The following BCAR1 variants were observed in gnomAD, a reference collection of about 807,000 sequenced individuals.
BCAR1 encodes the protein breast cancer anti-estrogen resistance protein 1.
BCAR1 carries 30 observed loss-of-function variants against 67.6 expected under a neutral mutation model. The observed-to-expected ratio is 0.44, with a 90% confidence interval of 0.33 to 0.60. BCAR1 has a LOEUF of 0.60. BCAR1 is among the 20% of genes least tolerant of loss of function. The probability of loss-of-function intolerance (pLI) is 0.02; values close to 1 mark genes in which losing one functional copy is unlikely to be tolerated. For synonymous variants in BCAR1, 626 were observed against 556.7 expected (o/e 1.12, Z -1.75); for missense variants, 1,313 against 1,222.3 (o/e 1.07, Z -1.11).
Position 75,235,111 on chromosome 16 carries a change from G to T in BCAR1, c.1788C>A (p.Phe596Leu). Residue 596 changes from phenylalanine (F) to leucine (L), a missense_variant, in exon 5 of 7, where the codon TTC becomes TTA. Physicochemically the swap from Phe to Leu is conservative, Grantham distance 22. Around this residue, in one of 2 missense-constraint regions of BCAR1, gnomAD observed 1,272 missense variants for 1,137.5 expected, o/e 1.12. Coordinates refer to ENST00000162330, the MANE Select transcript of BCAR1 (RefSeq NM_014567.5). ...AGAGCAGTGAGGCATTGCCGTGCAG[G>T]AAGGAGGCCAGCTGCTTGGCGTCCT... ...VPEDAKQLAS[F>L]LHGNASLLFR... 1 of 1,611,542 alleles carries T rather than the reference G, an allele frequency of 6.2e-7. No individual in the cohort carries two copies.
chr16:75,251,173 C>T (rs1481271958), intron 1 of BCAR1, among the ~76,000 whole-genome samples: 1 of 152,046 alleles, frequency 6.6e-6, no homozygotes. Flanking sequence ...AGCAGGCGGC[C>T]GTCGGCCGGG....
rs1239670516 is a variant in BCAR1, at chr16:75,235,088, A to G, written c.1811T>C (p.Leu604Pro). 3 of 1,612,530 alleles carry G rather than the reference A, an allele frequency of 1.9e-6. No individual in the cohort carries two copies. The highest frequency in any genetic ancestry group is 2.5e-6 in the Non-Finnish European group (3 of 1,179,994). ...ASFLHGNASL[L>P]FRRTKATAPG... Reference sequence around the variant, plus strand: ...GGCAGTGGCCTTGGTCCGTCTGAAGAGCAGTGAGGCATTGCCGTGCAGGAA... The same window carrying G: ...GGCAGTGGCCTTGGTCCGTCTGAAGGGCAGTGAGGCATTGCCGTGCAGGAA... Residue 604 changes from leucine (L) to proline (P), a missense_variant, in exon 5 of 7, where the codon CTC (leucine) becomes CCC (proline). Leu to Pro is a moderately conservative substitution (Grantham distance 98, BLOSUM62 -3). Transcript: ENST00000162330.
intron 6 of BCAR1, among the ~76,000 whole-genome samples, chr16:75,230,851 C>A (rs2076877485): frequency 6.6e-6 from 1 of 152,194 alleles, no homozygotes; most frequent in Non-Finnish European, 1.5e-5. Context: ...TCTCCGTTCC[C>A]TTAGCCAGTG....
chr16:75,236,704 G>A, intron 4 of BCAR1, 178 bp downstream of exon 4: 6 of 1,249,794 alleles, frequency 4.8e-6, no homozygotes, highest in Non-Finnish European at 6.2e-6. Flanking sequence ...CAAAGAACCT[G>A]AGGCTCAGAA....
At chr16:75,247,814 T>C (rs1396155175) in intron 1 of BCAR1, 2 of 553,134 alleles carry the variant, frequency 3.6e-6, no homozygotes, top group Admixed American at 3.0e-5. Flanking sequence ...CCAGCAAATA[T>C]GACCTCAGCA....
chr16:75,244,497 C>G (rs970355290), intron 1 of BCAR1, among the ~76,000 whole-genome samples: 5 of 152,244 alleles, frequency 3.3e-5, no homozygotes, highest in African/African-American at 1.2e-4. Context: ...CGCCATCTCC[C>G]TGGCCGGCAT....
chr16:75,262,939 G>A lies in BCAR1; in HGVS notation c.66+4976C>T, dbSNP rs115608559. Among the ~76,000 whole-genome samples, 1,421 of 152,332 alleles carry A rather than the reference G, an allele frequency of 9.3e-3. 17 individuals are homozygous for A. Among genetic ancestry groups the A allele is most frequent in the African/African-American group, 0.033 (1,356 of 41,568 alleles). On this transcript the variant is annotated intron_variant, in intron 1 of 6. Transcript: ENST00000393422. ...GCTGCTGTCCACCGCTCAACAGGCT[G>A]CAGCCCCCACAAGTAGAGGCCATGC...
intron 1 of BCAR1, among the ~76,000 whole-genome samples, chr16:75,259,618 G>T (rs909046807): frequency 6.6e-6 from 1 of 151,968 alleles, no homozygotes; most frequent in African/African-American, 2.4e-5. Context: ...TTTGGGAGGC[G>T]AAAGCGGGCG....
chr16:75,247,962 C>G, intron 1 of BCAR1: 1 of 834,300 alleles, frequency 1.2e-6, no homozygotes, highest in Non-Finnish European at 2.1e-6. Context: ...ATAATAAGAA[C>G]AGCACAGTTC....
chr16:75,261,225 G>A (rs148974348), intron 1 of BCAR1, among the ~76,000 whole-genome samples: 2 of 152,330 alleles, frequency 1.3e-5, no homozygotes, highest in African/African-American at 4.8e-5. Flanking sequence ...GAAACAATGG[G>A]GCTTGACCTG....
chr16:75,244,169 G>A (rs377637130), intron 1 of BCAR1, among the ~76,000 whole-genome samples: 22 of 152,334 alleles, frequency 1.4e-4, no homozygotes, highest in African/African-American at 4.8e-4. Flanking sequence ...TCAGCTCTGG[G>A]CTGCCCTGCA....
At chr16:75,243,676 C>T (rs1321632774) in intron 1 of BCAR1, among the ~76,000 whole-genome samples, 1 of 152,214 alleles carries the variant, frequency 6.6e-6, no homozygotes, top group Non-Finnish European at 1.5e-5. Context: ...GTCCTGGCCC[C>T]GTCGCCCTCA....
In BCAR1 at chr16:75,242,763, C is replaced by G; in HGVS notation, c.340G>C (p.Val114Leu). 6.3e-7 allele frequency: 1 copy of G among 1,595,176 alleles called. No individual in the cohort carries two copies. Reference sequence around the variant, plus strand: ...TTGCTGGGAGTGGGCACCAGGTAGACGCTGTCTGGCTGGGGCTGGTAGGTG... The same window carrying G: ...TTGCTGGGAGTGGGCACCAGGTAGAGGCTGTCTGGCTGGGGCTGGTAGGTG... ...PNTYQPQPDS[V>L]YLVPTPSKAQ... The change falls in exon 2 of 7, where the codon GTC becomes CTC. Residue 114 changes from valine (V) to leucine (L), a missense_variant. Physicochemically the swap from Val to Leu is conservative, Grantham distance 32. Around this residue, in one of 2 missense-constraint regions of BCAR1, gnomAD observed 1,272 missense variants for 1,137.5 expected, o/e 1.12. Coordinates refer to ENST00000162330, the MANE Select transcript of BCAR1 (RefSeq NM_014567.5).
intron 1 of BCAR1, chr16:75,250,751 C>T (rs2077655365): frequency 1.0e-6 from 1 of 985,462 alleles, no homozygotes; most frequent in African/African-American, 1.7e-5. Flanking sequence ...CAACCATGGA[C>T]TCCAAAGCCT....
chr16:75,232,963 A>G (rs190992390), intron 6 of BCAR1, among the ~76,000 whole-genome samples: 1 of 151,152 alleles, frequency 6.6e-6, no homozygotes, highest in East Asian at 1.9e-4. Flanking sequence ...TTATCTTCAT[A>G]ATCAGAATAA....
At chr16:75,244,579 C>G (rs531905618) in intron 1 of BCAR1, among the ~76,000 whole-genome samples, 6 of 152,268 alleles carry the variant, frequency 3.9e-5, no homozygotes, top group Non-Finnish European at 5.9e-5. Flanking sequence ...ATCAGACATT[C>G]AGACCCCATG....
intron 1 of BCAR1, among the ~76,000 whole-genome samples, chr16:75,259,541 A>T (rs1279457488): frequency 3.0e-4 from 46 of 152,326 alleles, no homozygotes; most frequent in Non-Finnish European, 2.9e-5. Flanking sequence ...CATTACTGGA[A>T]CATTACTCAG....
rs112113209 is a variant in BCAR1 at position 75,235,653 on chromosome 16, C to T, written c.1246G>A (p.Ala416Thr). 15 of 1,609,902 alleles carry T rather than the reference C, an allele frequency of 9.3e-6. No homozygotes were observed. The highest frequency in any genetic ancestry group is 5.3e-5 in the African/African-American group (4 of 74,978). Residue 416 changes from alanine (A) to threonine (T), a missense_variant, in exon 5 of 7, where the codon GCT becomes ACT. By Grantham distance (58) the Ala-to-Thr change is moderately conservative. Around this residue, in one of 2 missense-constraint regions of BCAR1, gnomAD observed 1,272 missense variants for 1,137.5 expected, o/e 1.12. Transcript: ENST00000162330. Reference sequence around the variant, plus strand: ...CCCTCTGCCGGGGCTTCACGTTCAGCTGGGGGAGGCACCGCATACACACCA... The same window carrying T: ...CCCTCTGCCGGGGCTTCACGTTCAGTTGGGGGAGGCACCGCATACACACCA... ...DSGVYAVPPPAEREAPAEGKR... is the reference protein window; with the variant it reads ...DSGVYAVPPPTEREAPAEGKR...
At chr16:75,249,002 C>G (rs1449668577) in intron 1 of BCAR1, 2 of 152,534 alleles carry the variant, frequency 1.3e-5, no homozygotes, top group South Asian at 4.1e-4. Context: ...CCAGGGCATC[C>G]CAGGCACTGT....
Sources: allele counts gnomAD v4.1 joint callset (sites outside exome capture counted in the v4.1 genomes callset), GRCh38; gene constraint gnomAD v4.1.1; regional missense constraint gnomAD v4.1.1; transcripts MANE v1.5; gene names NCBI Gene and HGNC (gene_info 2026-07-23, HGNC 2026-07-21).